AGMO: variants seen among roughly 807,000 people sequenced by gnomAD.
AGMO encodes the protein glyceryl-ether monooxygenase.
A neutral mutation model predicts 60.2 loss-of-function variants in AGMO; 75 were observed. The observed-to-expected ratio is 1.25, with a 90% CI of 1.03 to 1.51. The LOEUF (loss-of-function observed/expected upper bound fraction) is 1.51, where lower values mean the gene tolerates loss of function less well. AGMO is among the 40% of genes most tolerant of loss of function. The pLI, the probability that AGMO is intolerant of heterozygous loss-of-function variation, is 0.00. For missense variants in AGMO, 763 were observed against 525.5 expected (o/e 1.45, Z -4.42); for synonymous variants, 261 against 177.1 (o/e 1.47, Z -3.76).
chr7:15,335,847 A>T (rs555927617), intron 12 of AGMO, among the ~76,000 whole-genome samples: 1 of 152,278 alleles, frequency 6.6e-6, no homozygotes, highest in Admixed American at 6.5e-5. Context: ...TTCTCACCAA[A>T]ATCTAAATGT....
chr7:15,225,918 G>A (rs1782067954), intron 12 of AGMO, among the ~76,000 whole-genome samples: 1 of 151,632 alleles, frequency 6.6e-6, no homozygotes, highest in Non-Finnish European at 1.5e-5. Flanking sequence ...TGGCAACTTG[G>A]CATCTAATCC....
intron 12 of AGMO, among the ~76,000 whole-genome samples, chr7:15,273,825 A>G (rs1228434537): frequency 2.0e-5 from 3 of 152,138 alleles, no homozygotes; most frequent in Non-Finnish European, 4.4e-5. Context: ...TTCTCTTTGA[A>G]GAGGTCCTTC....
chr7:15,386,418 A>C (rs1783916785), intron 9 of AGMO, among the ~76,000 whole-genome samples: 1 of 152,134 alleles, frequency 6.6e-6, no homozygotes, highest in South Asian at 2.1e-4. Context: ...ACTCACTTTG[A>C]GTTATCTATT....
At chr7:15,550,579 A>C (rs1233824035) in intron 2 of AGMO, among the ~76,000 whole-genome samples, 3 of 151,800 alleles carry the variant, frequency 2.0e-5, no homozygotes, top group East Asian at 1.9e-4. Context: ...GAAATGGATA[A>C]ATTCCTTGAC....
At chr7:15,442,435 G>A (rs565130999) in intron 3 of AGMO, among the ~76,000 whole-genome samples, 1 of 152,222 alleles carries the variant, frequency 6.6e-6, no homozygotes, top group African/African-American at 2.4e-5. Context: ...GGCATTGAGA[G>A]ATGGAAGGTT....
intron 12 of AGMO, among the ~76,000 whole-genome samples, chr7:15,335,426 T>C (rs2128546419): frequency 6.6e-6 from 1 of 152,294 alleles, no homozygotes; most frequent in South Asian, 2.1e-4. Context: ...TCTGTCATAG[T>C]GGTATGCAAA....
intron 12 of AGMO, among the ~76,000 whole-genome samples, chr7:15,301,548 A>G (rs988789388): frequency 6.6e-6 from 1 of 151,428 alleles, no homozygotes; most frequent in Non-Finnish European, 1.5e-5. Context: ...TTCTCAATAC[A>G]TTTTCTAAAA....
chr7:15,454,207 C>A (rs1044010847), intron 3 of AGMO, among the ~76,000 whole-genome samples: 1 of 151,942 alleles, frequency 6.6e-6, no homozygotes, highest in African/African-American at 2.4e-5. Context: ...AAGAAACACA[C>A]ACTAACTTAA....
At chr7:15,517,761 G>C (rs1329130753) in intron 3 of AGMO, among the ~76,000 whole-genome samples, 1 of 151,850 alleles carries the variant, frequency 6.6e-6, no homozygotes, top group Non-Finnish European at 1.5e-5. Context: ...CACCGAGCTA[G>C]CTGCAGGAAT....
the AGMO span, among the ~76,000 whole-genome samples, chr7:15,187,695 T>C: frequency 1.3e-5 from 2 of 152,002 alleles, no homozygotes; most frequent in African/African-American, 2.4e-5. Context: ...GGGAGTTTGG[T>C]CTTGGTTTTT....
chr7:15,164,873 T>C, the AGMO span, among the ~76,000 whole-genome samples: 1 of 151,784 alleles, frequency 6.6e-6, no homozygotes, highest in Admixed American at 6.6e-5. Context: ...ACCATTCAAC[T>C]CAGCAATCCT....
downstream of AGMO, among the ~76,000 whole-genome samples, chr7:15,198,243 G>GAC (rs34405955): frequency 2.7e-3 from 269 of 98,688 alleles, 3 homozygotes; most frequent in South Asian, 0.015. Context: ...GAGAGAGAGA[G>GAC]AGAGAGAGAG....
At chr7:15,390,364 A>G (rs1322853360) in intron 8 of AGMO, among the ~76,000 whole-genome samples, 3 of 152,186 alleles carry the variant, frequency 2.0e-5, no homozygotes, top group African/African-American at 4.8e-5. Flanking sequence ...ACATGTTACT[A>G]TTGCTCCTAC....
chr7:15,490,464 TG>T (rs1353617113), intron 3 of AGMO, among the ~76,000 whole-genome samples: 5 of 151,828 alleles, frequency 3.3e-5, no homozygotes, highest in Non-Finnish European at 5.9e-5. Context: ...AGGCTTTTCA[TG>T]GGGATTTGGC....
intron 12 of AGMO, among the ~76,000 whole-genome samples, chr7:15,344,555 A>C (rs922983802): frequency 3.3e-5 from 5 of 151,952 alleles, no homozygotes; most frequent in Admixed American, 3.3e-4. Context: ...AAAATTAGCC[A>C]GGCATCCTGG....
chr7:15,157,434 T>C, the AGMO span, among the ~76,000 whole-genome samples: 2 of 152,220 alleles, frequency 1.3e-5, no homozygotes, highest in Non-Finnish European at 2.9e-5. Flanking sequence ...GGCTGCATTT[T>C]GTACGTGTCA....
chr7:15,236,469 T>C (rs2128501150), intron 12 of AGMO, among the ~76,000 whole-genome samples: 1 of 152,218 alleles, frequency 6.6e-6, no homozygotes. Flanking sequence ...CAAAGGAAGA[T>C]AAAGAACTCT....
At chr7:15,322,977 ATG>A (rs1344261364) in intron 12 of AGMO, among the ~76,000 whole-genome samples, 8,085 of 121,994 alleles carry the variant, frequency 0.066, 455 homozygotes, top group African/African-American at 0.21. Flanking sequence ...GTATATATAT[ATG>A]TATTTATTTT....
intron 1 of AGMO, among the ~76,000 whole-genome samples, chr7:15,561,171 A>G (rs998900189): frequency 6.6e-6 from 1 of 152,122 alleles, no homozygotes; most frequent in African/African-American, 2.4e-5. Flanking sequence ...GGATATTTCC[A>G]CTTCCAATCA....
Sources: gnomAD v4.1 joint callset for allele counts (sites outside exome capture counted in the v4.1 genomes callset) on GRCh38, gnomAD v4.1.1 for gene constraint, MANE v1.5 for transcripts, NCBI Gene and HGNC (gene_info 2026-07-23, HGNC 2026-07-21) for gene names.